PCDHGA1: variants seen among roughly 807,000 people sequenced by gnomAD.
PCDHGA1 encodes the protein protocadherin gamma subfamily A, 1.
In PCDHGA1, 32 loss-of-function variants were observed where a neutral mutation model predicts 58.0. The ratio of observed to expected loss-of-function variants is 0.55; its 90% CI spans 0.42 to 0.74. The LOEUF is 0.74. PCDHGA1 is among the 30% of genes least tolerant of loss of function. The pLI is 0.00. For missense variants in PCDHGA1, 1,205 were observed against 1,182.3 expected (o/e 1.02, Z -0.28); for synonymous variants, 498 against 501.1 (o/e 0.99, Z 0.08).
At position 141,331,954 on chromosome 5, in the gene PCDHGA1, G is replaced by C; in HGVS notation, c.1270G>C (p.Ala424Pro). 1 of 1,614,102 alleles carries C rather than the reference G, an allele frequency of 6.2e-7. No homozygotes were observed. Among genetic ancestry groups the C allele is most frequent in the Non-Finnish European group, 8.5e-7 (1 of 1,180,016 alleles). ...LISGYNITIT[A>P]IDQGTPALST... ...CTCTGGGTACAACATCACAATAACAGCAATAGACCAAGGAACTCCAGCTCT... is the reference window on the plus strand; with the variant it reads ...CTCTGGGTACAACATCACAATAACACCAATAGACCAAGGAACTCCAGCTCT... Residue 424 changes from alanine to proline, a missense_variant, in exon 1 of 4, where the codon GCA becomes CCA. By Grantham distance (27) the Ala-to-Pro change is conservative. Coordinates refer to ENST00000517417, the MANE Select transcript of PCDHGA1 (RefSeq NM_018912.3).
chr5:141,381,925 G>A (rs1777765051), intron 1 of PCDHGA1, among the ~76,000 whole-genome samples: 1 of 145,664 alleles, frequency 6.9e-6, no homozygotes, highest in Non-Finnish European at 1.5e-5. Flanking sequence ...CACCTCCCGG[G>A]TTCAAGCGAT....
At chr5:141,365,026 C>T in intron 1 of PCDHGA1, 1 of 1,613,890 alleles carries the variant, frequency 6.2e-7, no homozygotes, top group Admixed American at 1.7e-5. Flanking sequence ...GTGTTACGGT[C>T]CTCGACGCAA....
chr5:141,409,172 G>C (rs574905228), intron 1 of PCDHGA1: 1 of 1,614,006 alleles, frequency 6.2e-7, no homozygotes, highest in Non-Finnish European at 8.5e-7. Context: ...AGCGAAGGAC[G>C]GAGGTGGTCT....
At chr5:141,387,568 T>G in intron 1 of PCDHGA1, 1 of 447,496 alleles carries the variant, frequency 2.2e-6, no homozygotes, top group Admixed American at 3.9e-5. Context: ...CACACAATTA[T>G]AATTATTGCA....
intron 1 of PCDHGA1, chr5:141,351,906 G>A: frequency 1.2e-6 from 2 of 1,613,416 alleles, no homozygotes; most frequent in Non-Finnish European, 1.7e-6. Flanking sequence ...GTGTTGGTGG[G>A]CGACCTCAAT....
rs146574799 is a variant in PCDHGA1, at chr5:141,487,337, G to A, written c.2422-7470G>A. The A allele has an allele frequency of 1.4e-5, 23 of 1,614,054 alleles. No individual in the cohort carries two copies. The highest frequency in any genetic ancestry group is 3.3e-5 in the Admixed American group (2 of 60,002). The stretch of plus-strand genomic sequence containing the variant: ...TAAGTGTCTTCGTGGGGCAGCCTGT[G>A]GAGTCACATGCTTTCCTGCTGGCAC... On this transcript the variant is annotated intron_variant, in intron 1 of 3. Coordinates refer to ENST00000517417, the MANE Select transcript of PCDHGA1 (RefSeq NM_018912.3). The surrounding 1 kb of genome is among the most constrained non-coding windows in gnomAD (Gnocchi z 5.0).
intron 1 of PCDHGA1, among the ~76,000 whole-genome samples, chr5:141,363,223 A>T (rs1253518167): frequency 6.6e-6 from 1 of 152,164 alleles, no homozygotes; most frequent in Non-Finnish European, 1.5e-5. Context: ...AAATCTTACA[A>T]CCTATGTTCA....
chr5:141,331,326 T>C lies in PCDHGA1; in HGVS notation c.642T>C (p.Ala214=), dbSNP rs748061979. 1 of 1,614,160 alleles carries C rather than the reference T, an allele frequency of 6.2e-7. No homozygotes were observed. Residue 214 remains alanine, a synonymous_variant, in exon 1 of 4, where the codon GCT becomes GCC. Transcript: ENST00000517417. The stretch of plus-strand genomic sequence containing the variant: ...CTGTCCACCACCTCATCCTCACAGC[T>C]TCTGATGGGGGTGAACCAGTCCGTT... The part of the protein sequence containing the change: ...EEAVHHLILT[A]SDGGEPVRSG...
chr5:141,496,923 C>T (rs963522127), intron 2 of PCDHGA1, among the ~76,000 whole-genome samples: 9 of 150,728 alleles, frequency 6.0e-5, no homozygotes, highest in East Asian at 1.9e-4. Context: ...CTGTGGTTCA[C>T]GCCTGTAATC....
At position 141,418,775 on chromosome 5, in the gene PCDHGA1, C is replaced by T. The variant is rs773519128; in HGVS notation, c.2422-76032C>T. 4 of 1,613,764 alleles carry T rather than the reference C, an allele frequency of 2.5e-6. No individual in the cohort carries two copies. In the East Asian group the frequency reaches 6.7e-5, roughly 27 times the overall value. ...TACAGGAAACATTCTAACTCAGCAG[C>T]CTTTGGATTTTGAAGAAGTAGAAAG... On this transcript the variant is annotated intron_variant, in intron 1 of 3. Transcript: ENST00000517417.
chr5:141,490,604 A>T lies in PCDHGA1; in HGVS notation c.2422-4203A>T, dbSNP rs749528675. ...GTCAATGACAATGCACCCCGCTTCA[A>T]CCAGCAGCTTTACACTGCTTACATC... On this transcript the variant is annotated intron_variant, in intron 1 of 3. Transcript: ENST00000517417. The surrounding 1 kb of genome is among the most constrained non-coding windows in gnomAD (Gnocchi z 5.4). 6.2e-7 allele frequency: 1 copy of T among 1,614,192 alleles called. No homozygotes were observed. The highest frequency in any genetic ancestry group is 8.5e-7 in the Non-Finnish European group (1 of 1,180,022).
At position 141,491,093 on chromosome 5, in the gene PCDHGA1, T is replaced by G; in HGVS notation, c.2422-3714T>G. The G allele has an allele frequency of 6.2e-7, 1 of 1,614,160 alleles. No individual in the cohort carries two copies. The highest frequency in any genetic ancestry group is 8.5e-7 in the Non-Finnish European group (1 of 1,180,008). On this transcript the variant is annotated intron_variant, in intron 1 of 3. Transcript: ENST00000517417. This position sits in a 1 kb window ranked among gnomAD's most constrained non-coding sequence, Gnocchi z 6.9. ...TTGCCACAGTCCACAGCCCCAGGAC[T>G]GTTCCTCGTGTCTACACACACTGGT... is the stretch of plus-strand genomic sequence containing the variant.
At chr5:141,393,138 C>G (rs2092688516) in intron 1 of PCDHGA1, 1 of 1,613,196 alleles carries the variant, frequency 6.2e-7, no homozygotes, top group Non-Finnish European at 8.5e-7. Flanking sequence ...TATTAACACC[C>G]TGGTTGAGGA....
At chr5:141,458,820 C>T (rs2098954225) in intron 1 of PCDHGA1, among the ~76,000 whole-genome samples, 1 of 152,070 alleles carries the variant, frequency 6.6e-6, no homozygotes, top group African/African-American at 2.4e-5. Flanking sequence ...GCAACCTCTG[C>T]CTCCCAGGCT....
At chr5:141,344,458 T>C (rs1434039304) in intron 1 of PCDHGA1, 5 of 1,613,864 alleles carry the variant, frequency 3.1e-6, no homozygotes, top group Non-Finnish European at 3.4e-6. Flanking sequence ...GAAATAAAAA[T>C]TGGTGAACTA....
intron 1 of PCDHGA1, chr5:141,370,166 G>T: frequency 2.2e-6 from 1 of 458,978 alleles, no homozygotes; most frequent in East Asian, 3.2e-5. Flanking sequence ...CTGCAGCAGA[G>T]GCGCCGGGTG....
At chr5:141,466,004 C>T (rs1336655723) in intron 1 of PCDHGA1, among the ~76,000 whole-genome samples, 1 of 151,920 alleles carries the variant, frequency 6.6e-6, no homozygotes, top group Non-Finnish European at 1.5e-5. Flanking sequence ...CACCTGTAGT[C>T]CCAGCTACTC....
In PCDHGA1 at chr5:141,477,279, C is replaced by T. The variant is rs2099408674; in HGVS notation, c.2422-17528C>T. ...GATGCTGGCGAGAACGGGCTGGTGA[C>T]CTGCGAAGTTCCACCGGGTCTCCCT... is the stretch of plus-strand genomic sequence containing the variant. On this transcript the variant is annotated intron_variant, in intron 1 of 3. Transcript: ENST00000517417. The surrounding 1 kb of genome is among the most constrained non-coding windows in gnomAD (Gnocchi z 4.9). 6.2e-7 allele frequency: 1 copy of T among 1,614,054 alleles called. No individual in the cohort carries two copies. Among genetic ancestry groups the T allele is most frequent in the Non-Finnish European group, 8.5e-7 (1 of 1,180,050 alleles).
intron 1 of PCDHGA1, chr5:141,341,347 A>G (rs757702817): frequency 5.6e-6 from 9 of 1,614,248 alleles, no homozygotes; most frequent in Non-Finnish European, 6.8e-6. Context: ...ATTTTTTATC[A>G]GCGCCTCAAT....
Sources: allele counts gnomAD v4.1 joint callset (sites outside exome capture counted in the v4.1 genomes callset), GRCh38; gene constraint gnomAD v4.1.1; non-coding constraint Gnocchi (gnomAD v3.1); transcripts MANE v1.5; gene names NCBI Gene and HGNC (gene_info 2026-07-23, HGNC 2026-07-21).